TNR: variants seen among roughly 807,000 people sequenced by gnomAD.
TNR encodes the protein tenascin R.
In TNR, 45 loss-of-function variants were observed where a neutral mutation model predicts 150.4. The ratio of observed to expected loss-of-function variants is 0.30; its 90% CI spans 0.24 to 0.38. The LOEUF is 0.38. TNR is among the 10% of genes least tolerant of loss of function. The probability of loss-of-function intolerance (pLI) is 1.00; values close to 1 mark genes in which losing one functional copy is unlikely to be tolerated. For synonymous variants in TNR, 687 were observed against 678.4 expected (o/e 1.01, Z -0.20); for missense variants, 1,544 against 1,759.1 (o/e 0.88, Z 2.19).
At chr1:175,338,353 A>G (rs1225643477) in intron 18 of TNR, among the ~76,000 whole-genome samples, 2 of 152,244 alleles carry the variant, frequency 1.3e-5, no homozygotes, top group African/African-American at 2.4e-5. Flanking sequence ...CAACAGCCCA[A>G]TTTGTAGAAC....
chr1:175,705,399 A>G (rs1219053018), intron 1 of TNR, among the ~76,000 whole-genome samples: 1 of 152,230 alleles, frequency 6.6e-6, no homozygotes, highest in Admixed American at 6.5e-5. Flanking sequence ...TAGAAGCCAC[A>G]TTGTTTTCTA....
intron 1 of TNR, among the ~76,000 whole-genome samples, chr1:175,718,762 C>T (rs1032184169): frequency 6.6e-6 from 1 of 152,126 alleles, no homozygotes; most frequent in Non-Finnish European, 1.5e-5. Context: ...AACAGAAGCC[C>T]GGGGGATTAT....
intron 18 of TNR, among the ~76,000 whole-genome samples, chr1:175,350,697 GT>G (rs1357831237): frequency 6.6e-6 from 1 of 152,144 alleles, no homozygotes; most frequent in East Asian, 1.9e-4. Flanking sequence ...ATCAAAGGAG[GT>G]TTTTGAGGGT....
chr1:175,347,151 C>T (rs555563394), intron 18 of TNR, among the ~76,000 whole-genome samples: 7 of 151,864 alleles, frequency 4.6e-5, no homozygotes, highest in African/African-American at 1.2e-4. Flanking sequence ...ATTAATATAT[C>T]GAGAAAGAAG....
intron 2 of TNR, among the ~76,000 whole-genome samples, chr1:175,514,163 G>T (rs1325124251): frequency 6.6e-6 from 1 of 152,246 alleles, no homozygotes; most frequent in Non-Finnish European, 1.5e-5. Context: ...AGATTAACCT[G>T]ATGAACTGGG....
chr1:175,597,895 C>G (rs1663074199), intron 1 of TNR, among the ~76,000 whole-genome samples: 1 of 152,202 alleles, frequency 6.6e-6, no homozygotes, highest in Non-Finnish European at 1.5e-5. Flanking sequence ...TGTTCTCTGT[C>G]ATCACTAGAG....
At chr1:175,452,269 T>C (rs1025217075) in intron 2 of TNR, among the ~76,000 whole-genome samples, 2 of 152,264 alleles carry the variant, frequency 1.3e-5, no homozygotes, top group Non-Finnish European at 2.9e-5. Context: ...TTCTGGGCTC[T>C]GAGGCTCAGC....
chr1:175,531,997 T>C (rs890192628), intron 1 of TNR, among the ~76,000 whole-genome samples: 17 of 152,348 alleles, frequency 1.1e-4, no homozygotes, highest in Admixed American at 8.5e-4. Flanking sequence ...TTGTCCTCTT[T>C]GGCTTAGGTG....
At chr1:175,375,556 G>C (rs544064755) in intron 9 of TNR, among the ~76,000 whole-genome samples, 1 of 152,168 alleles carries the variant, frequency 6.6e-6, no homozygotes, top group East Asian at 1.9e-4. Flanking sequence ...GGGAGGTCAA[G>C]AGGGGGTACT....
chr1:175,397,086 G>A (rs1036474218), intron 4 of TNR, among the ~76,000 whole-genome samples: 6 of 152,066 alleles, frequency 3.9e-5, no homozygotes, highest in African/African-American at 7.2e-5. Flanking sequence ...CAAGACTGTC[G>A]TTGAATACAG....
At chr1:175,442,368 G>A (rs1655832258) in intron 2 of TNR, among the ~76,000 whole-genome samples, 1 of 152,200 alleles carries the variant, frequency 6.6e-6, no homozygotes, top group South Asian at 2.1e-4. Context: ...GGAGCAAGAT[G>A]AAAGCAAGTG....
rs1174822092 is a variant in TNR, at chr1:175,351,474, C to G, written c.3382+2917G>C. ...ACTCTTGAAGGTTATACCTCTTTGC[C>G]TGTCTTATCCCTACAAGGGGTATTA... On this transcript the variant is annotated intron_variant, in intron 18 of 22. Transcript: ENST00000367674. 2.6e-5 allele frequency among the ~76,000 whole-genome samples: 4 copies of G among 152,200 alleles called. No individual in the cohort carries two copies. In the East Asian group the frequency reaches 7.7e-4, roughly 29 times the overall value.
intron 1 of TNR, among the ~76,000 whole-genome samples, chr1:175,703,112 GT>G (rs985273557): frequency 6.6e-6 from 1 of 151,962 alleles, no homozygotes; most frequent in African/African-American, 2.4e-5. Context: ...TCTGAGAGTA[GT>G]TTTTTCTCTG....
At chr1:175,674,576 G>C (rs1665805516) in intron 1 of TNR, among the ~76,000 whole-genome samples, 2 of 152,180 alleles carry the variant, frequency 1.3e-5, no homozygotes, top group African/African-American at 2.4e-5. Context: ...GTGGGGTTAG[G>C]GGGAGCAGTA....
intron 1 of TNR, among the ~76,000 whole-genome samples, chr1:175,730,267 G>A (rs373244428): frequency 7.9e-5 from 12 of 152,088 alleles, no homozygotes; most frequent in East Asian, 1.9e-4. Context: ...AAAGCCCTAC[G>A]CACACTTAAC....
At chr1:175,698,546 A>T (rs2101924884) in intron 1 of TNR, among the ~76,000 whole-genome samples, 1 of 152,254 alleles carries the variant, frequency 6.6e-6, no homozygotes, top group South Asian at 2.1e-4. Context: ...GTGGGAAATA[A>T]GAGGTGGTGT....
intron 2 of TNR, among the ~76,000 whole-genome samples, chr1:175,439,524 T>G (rs1655682393): frequency 6.6e-6 from 1 of 151,990 alleles, no homozygotes; most frequent in Admixed American, 6.5e-5. Context: ...AACTGACAAA[T>G]GGGATCTAAT....
chr1:175,730,621 G>A (rs144437228), intron 1 of TNR, among the ~76,000 whole-genome samples: 142 of 152,298 alleles, frequency 9.3e-4, no homozygotes, highest in African/African-American at 2.9e-3. Context: ...ATTCCAGGCT[G>A]GGAATGTAAG....
chr1:175,480,389 GAAAGAAAGAAAGAAA>G (rs779004846), intron 2 of TNR, among the ~76,000 whole-genome samples: 2,315 of 85,350 alleles, frequency 0.027, 26 homozygotes, highest in Admixed American at 0.042. Context: ...GGAAAGAGAA[GAAAGAAAGAAAGAAA>G]AAAGAAAGAA....
Sources: allele counts gnomAD v4.1 joint callset (sites outside exome capture counted in the v4.1 genomes callset), GRCh38; gene constraint gnomAD v4.1.1; transcripts MANE v1.5; gene names NCBI Gene and HGNC (gene_info 2026-07-23, HGNC 2026-07-21).